The following RANBP2 variants were observed in gnomAD, a reference collection of about 807,000 sequenced individuals.
The protein encoded by RANBP2 is RAN binding protein 2, also known as E3 SUMO-protein ligase RanBP2.
Under a neutral mutation model 303.6 loss-of-function variants are expected in RANBP2, and 57 were observed. The observed-to-expected ratio is 0.19, with a 90% confidence interval of 0.15 to 0.23. The LOEUF (loss-of-function observed/expected upper bound fraction) is 0.23. Ranked by LOEUF, RANBP2 falls within the 10% of genes least tolerant of loss-of-function variation. RANBP2 has a pLI of 1.00. For synonymous variants in RANBP2, 1,167 were observed against 1,301.5 expected, an observed-to-expected ratio of 0.90 and a Z score of 2.23; for missense variants, 3,138 against 3,780.8, an observed-to-expected ratio of 0.83 and a Z score of 4.46.
chr2:109,465,897 C>T, the RANBP2 span, among the ~76,000 whole-genome samples: 1 of 152,100 alleles, frequency 6.6e-6, no homozygotes, highest in African/African-American at 2.4e-5. Flanking sequence ...GAGAAATCTG[C>T]TTCCACGACC....
At chr2:109,606,366 C>T in the RANBP2 span, among the ~76,000 whole-genome samples, 5 of 152,254 alleles carry the variant, frequency 3.3e-5, no homozygotes, top group East Asian at 9.7e-4. Flanking sequence ...AGTGAGCCAA[C>T]ACTGCACCAC....
the RANBP2 span, among the ~76,000 whole-genome samples, chr2:109,684,260 G>A: frequency 9.6e-5 from 1 of 10,392 alleles, no homozygotes; most frequent in Non-Finnish European, 2.0e-4. Flanking sequence ...TTTTTTTTTT[G>A]AGGCAGCGTC....
chr2:109,520,444 A>G, the RANBP2 span, among the ~76,000 whole-genome samples: 2 of 151,728 alleles, frequency 1.3e-5, no homozygotes, highest in African/African-American at 4.8e-5. Context: ...TACTAAAAAT[A>G]CAAAAATTAG....
the RANBP2 span, among the ~76,000 whole-genome samples, chr2:109,322,424 G>A: frequency 2.0e-5 from 3 of 152,186 alleles, no homozygotes; most frequent in African/African-American, 4.8e-5. Context: ...GAACTAGGAG[G>A]CGGGTGAGTT....
the RANBP2 span, among the ~76,000 whole-genome samples, chr2:108,991,047 T>C: frequency 6.6e-6 from 1 of 152,154 alleles, no homozygotes; most frequent in Non-Finnish European, 1.5e-5. Context: ...GGAATGATAC[T>C]GATATTTCCC....
the RANBP2 span, among the ~76,000 whole-genome samples, chr2:109,421,249 C>T: frequency 2.0e-5 from 3 of 152,236 alleles, no homozygotes; most frequent in South Asian, 2.1e-4. Context: ...GGTCAGGTTG[C>T]TGAGGCCATG....
At chr2:109,154,418 C>T in the RANBP2 span, among the ~76,000 whole-genome samples, 1 of 152,158 alleles carries the variant, frequency 6.6e-6, no homozygotes, top group East Asian at 1.9e-4. Context: ...CCATTGTCTG[C>T]CAGTGTTGAA....
the RANBP2 span, among the ~76,000 whole-genome samples, chr2:108,995,171 T>A: frequency 2.0e-5 from 3 of 152,026 alleles, no homozygotes; most frequent in Admixed American, 6.6e-5. Flanking sequence ...TCAATGGATT[T>A]TTTTCTAGAG....
the RANBP2 span, among the ~76,000 whole-genome samples, chr2:109,262,251 G>A: frequency 6.6e-6 from 1 of 152,236 alleles, no homozygotes; most frequent in African/African-American, 2.4e-5. Flanking sequence ...AGGCTTGAAA[G>A]CTTGGAGAGA....
At chr2:108,754,357 A>G (rs1233598698) in intron 15 of RANBP2, among the ~76,000 whole-genome samples, 7 of 151,506 alleles carry the variant, frequency 4.6e-5, no homozygotes, top group Non-Finnish European at 8.8e-5. Context: ...CATCCTCATC[A>G]GCCATTGTGA....
At chr2:109,712,293 C>A in the RANBP2 span, among the ~76,000 whole-genome samples, 1 of 152,188 alleles carries the variant, frequency 6.6e-6, no homozygotes, top group African/African-American at 2.4e-5. Flanking sequence ...TCTGGTCACT[C>A]ATTCTCAGGC....
At chr2:109,112,227 G>A in the RANBP2 span, among the ~76,000 whole-genome samples, 2 of 152,070 alleles carry the variant, frequency 1.3e-5, no homozygotes, top group African/African-American at 4.8e-5. Flanking sequence ...CACAATGGTT[G>A]AACTAGTTGA....
the RANBP2 span, among the ~76,000 whole-genome samples, chr2:109,155,952 A>G: frequency 6.6e-6 from 1 of 152,186 alleles, no homozygotes; most frequent in African/African-American, 2.4e-5. Context: ...GCAACTCAGG[A>G]TCATTCTGCA....
the RANBP2 span, among the ~76,000 whole-genome samples, chr2:109,469,154 C>T: frequency 6.6e-6 from 1 of 152,156 alleles, no homozygotes; most frequent in Non-Finnish European, 1.5e-5. Context: ...AGAATGCGGG[C>T]CCCCTGCAGC....
At chr2:108,958,792 T>C in the RANBP2 span, among the ~76,000 whole-genome samples, 1 of 133,452 alleles carries the variant, frequency 7.5e-6, no homozygotes, top group African/African-American at 3.2e-5. Flanking sequence ...TGGATGTGAA[T>C]GAATTCTGTT....
chr2:109,112,220 A>G, the RANBP2 span, among the ~76,000 whole-genome samples: 1 of 152,044 alleles, frequency 6.6e-6, no homozygotes, highest in Non-Finnish European at 1.5e-5. Flanking sequence ...TGACTTCCAC[A>G]ATGGTTGAAC....
chr2:109,642,679 C>T, the RANBP2 span, among the ~76,000 whole-genome samples: 3 of 151,274 alleles, frequency 2.0e-5, no homozygotes, highest in Non-Finnish European at 4.4e-5. Context: ...AGAAAGGTAA[C>T]TAACAATATC....
At chr2:108,802,841 G>T in the RANBP2 span, among the ~76,000 whole-genome samples, 4 of 152,286 alleles carry the variant, frequency 2.6e-5, no homozygotes, top group Non-Finnish European at 4.4e-5. Context: ...CAGCATGAAG[G>T]GTTGTTGAAT....
the RANBP2 span, among the ~76,000 whole-genome samples, chr2:109,680,526 T>A: frequency 6.6e-6 from 1 of 152,130 alleles, no homozygotes; most frequent in Non-Finnish European, 1.5e-5. Context: ...GTGAAAGTAA[T>A]AGTAGTTATC....
Sources: gnomAD v4.1 joint callset for allele counts (sites outside exome capture counted in the v4.1 genomes callset) on GRCh38, gnomAD v4.1.1 for gene constraint, MANE v1.5 for transcripts, NCBI Gene and HGNC (gene_info 2026-07-23, HGNC 2026-07-21) for gene names.